The following NR2C2 variants were observed in gnomAD, a reference collection of about 807,000 sequenced individuals.
NR2C2 encodes the protein Nuclear hormone receptor TR4.
NR2C2 carries 6 observed loss-of-function variants against 62.9 expected under a neutral mutation model. That is an observed-to-expected ratio of 0.10 (90% CI 0.05 to 0.19). The LOEUF (loss-of-function observed/expected upper bound fraction) is 0.19, where lower values mean the gene tolerates loss of function less well. NR2C2 is among the 10% of genes least tolerant of loss of function. The pLI is 1.00. For synonymous variants in NR2C2, 272 were observed against 273.8 expected, an observed-to-expected ratio of 0.99 and a Z score of 0.07; for missense variants, 479 against 762.7, an observed-to-expected ratio of 0.63 and a Z score of 4.38.
chr3:15,024,694 G>A (rs1164329840), intron 7 of NR2C2, among the ~76,000 whole-genome samples: 1 of 152,170 alleles, frequency 6.6e-6, no homozygotes, highest in Admixed American at 6.5e-5. Flanking sequence ...GTCCAAAAGG[G>A]GGAGACTTGC....
chr3:15,022,466 C>T (rs1319651192), intron 5 of NR2C2, among the ~76,000 whole-genome samples: 4 of 145,046 alleles, frequency 2.8e-5, no homozygotes, highest in Non-Finnish European at 4.5e-5. Context: ...GCAGTGGTGC[C>T]GCGTCTTGGC....
chr3:14,995,181 A>C, intron 1 of NR2C2, among the ~76,000 whole-genome samples: 1 of 150,680 alleles, frequency 6.6e-6, no homozygotes. Context: ...TTAATTTTTT[A>C]ATAGAGACCA....
At position 15,024,221 on chromosome 3, in the gene NR2C2, ACTCATGCTCTCT is replaced by A. The variant is rs772579729; in HGVS notation, c.798+19_798+30del. On this transcript the variant is annotated intron_variant, in intron 7 of 13. Coordinates refer to ENST00000425241, the MANE Select transcript of NR2C2 (RefSeq NM_001291694.2). ...CACGGATTCTAAGGTGACGTTCTCT[ACTCATGCTCTCT>A]CTCATCCTTTATGTTGACATTGCAG... 1.0e-4 allele frequency: 161 copies of A among 1,562,624 alleles called. No individual in the cohort carries two copies. The highest frequency in any genetic ancestry group is 1.7e-4 in the Middle Eastern group (1 of 5,992).
intron 2 of NR2C2, among the ~76,000 whole-genome samples, chr3:15,010,552 GAAA>G (rs879605945): frequency 6.9e-6 from 1 of 145,746 alleles, no homozygotes; most frequent in East Asian, 2.0e-4. Context: ...CATCTCTAGA[GAAA>G]AAAAAAAATT....
At chr3:15,023,430 G>GGA in intron 6 of NR2C2, 83 bp downstream of exon 6, 1 of 1,494,352 alleles carries the variant, frequency 6.7e-7, no homozygotes, top group Non-Finnish European at 9.2e-7. Flanking sequence ...CACTGTTGTG[G>GGA]CTTCCCACCC....
At chr3:14,995,028 T>C (rs1197444858) in intron 1 of NR2C2, among the ~76,000 whole-genome samples, 1 of 142,602 alleles carries the variant, frequency 7.0e-6, no homozygotes, top group East Asian at 2.1e-4. Flanking sequence ...TCACCCAGGC[T>C]GGAGTGAATT....
intron 1 of NR2C2, among the ~76,000 whole-genome samples, chr3:14,967,833 G>A (rs902202444): frequency 7.9e-5 from 12 of 152,042 alleles, no homozygotes; most frequent in Non-Finnish European, 1.6e-4. Flanking sequence ...AAATAATGCC[G>A]CATATCTACA....
At chr3:15,001,391 A>G (rs1257879619) in intron 1 of NR2C2, among the ~76,000 whole-genome samples, 4 of 142,494 alleles carry the variant, frequency 2.8e-5, no homozygotes, top group African/African-American at 5.4e-5. Flanking sequence ...CTGGAATGCA[A>G]TGGCGTGATC....
At chr3:15,027,274 T>C (rs1203806594) in intron 7 of NR2C2, among the ~76,000 whole-genome samples, 1 of 152,084 alleles carries the variant, frequency 6.6e-6, no homozygotes, top group Non-Finnish European at 1.5e-5. Context: ...GCTGGGATTA[T>C]AGGCGTGAGC....
At chr3:14,993,617 G>C (rs1288067880) in intron 1 of NR2C2, among the ~76,000 whole-genome samples, 1 of 152,042 alleles carries the variant, frequency 6.6e-6, no homozygotes, top group Non-Finnish European at 1.5e-5. Context: ...AGCTGCCTCT[G>C]GTGCCACTAG....
At chr3:14,972,802 T>G (rs1574946251) in intron 1 of NR2C2, among the ~76,000 whole-genome samples, 1 of 152,088 alleles carries the variant, frequency 6.6e-6, no homozygotes, top group African/African-American at 2.4e-5. Context: ...CAGGAGCAGG[T>G]GTCTTACATG....
intron 1 of NR2C2, among the ~76,000 whole-genome samples, chr3:14,983,640 A>G (rs1299173438): frequency 6.6e-6 from 1 of 152,166 alleles, no homozygotes; most frequent in Non-Finnish European, 1.5e-5. Context: ...ATAATAATGT[A>G]TATAAAATGA....
At chr3:15,016,372 C>A in intron 4 of NR2C2, 118 bp downstream of exon 4, 1 of 666,326 alleles carries the variant, frequency 1.5e-6, no homozygotes, top group Non-Finnish European at 2.6e-6. Flanking sequence ...GTAGGTTTCA[C>A]ATGTGAATTC....
chr3:15,004,646 G>A (rs532609087), intron 2 of NR2C2: 1 of 1,608,658 alleles, frequency 6.2e-7, no homozygotes, highest in Admixed American at 1.7e-5. Flanking sequence ...CAAAAAGCTG[G>A]GAGGAAGGGA....
At chr3:15,003,224 A>G (rs942190293) in intron 1 of NR2C2, among the ~76,000 whole-genome samples, 1 of 151,724 alleles carries the variant, frequency 6.6e-6, no homozygotes, top group African/African-American at 2.4e-5. Flanking sequence ...TGCTGGGATT[A>G]TAGGTGTGAG....
Position 15,043,834 on chromosome 3 carries a change from C to G in NR2C2, c.*826C>G, listed in dbSNP as rs558066720. ...ATGACTGGTTATCTGAATTGGATTG[C>G]AACTAGTCAGACATTAACTGCCAAA... On this transcript the variant is annotated 3_prime_UTR_variant, in exon 14 of 14. Transcript: ENST00000425241. 2 of 152,362 alleles carry G rather than the reference C, an allele frequency of 1.3e-5. No homozygotes were observed. Among genetic ancestry groups the G allele is most frequent in the Admixed American group, 1.3e-4 (2 of 15,308 alleles). The allele number at this position is 152,362 out of a possible 1,614,324, so 9.4% of individuals were successfully genotyped here.
In NR2C2 at chr3:14,976,602, C is replaced by CTTTTTTTTTTTTT. The variant is rs533538010; in HGVS notation, c.-39-27264_-39-27252dup. 5.4e-4 allele frequency among the ~76,000 whole-genome samples: 49 copies of CTTTTTTTTTTTTT among 90,716 alleles called. 2 individuals are homozygous for CTTTTTTTTTTTTT. Among genetic ancestry groups the CTTTTTTTTTTTTT allele is most frequent in the African/African-American group, 1.6e-3 (31 of 19,698 alleles). 59.5% of individuals were successfully genotyped at this position (90,716 alleles called of 152,430 possible). A position where few individuals can be genotyped will look rare whatever the true frequency, so the allele number is the denominator to read the frequency against. ...TTCTTGAGTCTGTCTTCCTTCCTTC[C>CTTTTTTTTTTTTT]TTTTTTTTTTTTTTTTTTTTTTGAT... On this transcript the variant is annotated intron_variant, in intron 1 of 13. Coordinates refer to ENST00000425241, the MANE Select transcript of NR2C2 (RefSeq NM_001291694.2).
At position 15,042,867 on chromosome 3, in the gene NR2C2, C is replaced by G. The variant is rs371544529; in HGVS notation, c.1650C>G (p.Leu550=). 91 of 1,614,182 alleles carry G rather than the reference C, an allele frequency of 5.6e-5. 3 individuals are homozygous for G. The Middle Eastern group carries it at 5.6e-3, about 99-fold the overall frequency. ...LARILVRLPA[L]RLMSSNITEE... ...GGATCCTCGTTCGCCTGCCGGCACT[C>G]AGGCTGATGAGCTCCAACATAACAG... Residue 550 remains leucine (L), a synonymous_variant, in exon 14 of 14, where the codon CTC becomes CTG. Coordinates refer to ENST00000425241, the MANE Select transcript of NR2C2 (RefSeq NM_001291694.2).
chr3:14,988,392 T>C (rs762506285), intron 1 of NR2C2, among the ~76,000 whole-genome samples: 5 of 152,258 alleles, frequency 3.3e-5, no homozygotes, highest in African/African-American at 7.2e-5. Flanking sequence ...GAAGGAATTC[T>C]TATATTTCCT....
Sources: gnomAD v4.1 joint callset for allele counts (sites outside exome capture counted in the v4.1 genomes callset) on GRCh38, gnomAD v4.1.1 for gene constraint, MANE v1.5 for transcripts, NCBI Gene and HGNC (gene_info 2026-07-23, HGNC 2026-07-21) for gene names.